C19orf38: variants seen among roughly 807,000 people sequenced by gnomAD.
The protein encoded by C19orf38 is chromosome 19 open reading frame 38, also known as protein HIDE1.
C19orf38 carries 14 observed loss-of-function variants against 26.6 expected under a neutral mutation model. The observed-to-expected ratio is 0.53, with a 90% confidence interval of 0.35 to 0.82. The LOEUF (loss-of-function observed/expected upper bound fraction) is 0.82. Ranked by LOEUF, C19orf38 falls within the 40% of genes least tolerant of loss-of-function variation. The probability of loss-of-function intolerance (pLI) is 0.01; values close to 1 mark genes in which losing one functional copy is unlikely to be tolerated. For missense variants in C19orf38, 261 were observed against 299.5 expected, an observed-to-expected ratio of 0.87 and a Z score of 0.95; for synonymous variants, 132 against 128.5, an observed-to-expected ratio of 1.03 and a Z score of -0.18.
At chr19:10,858,398 C>T in intron 4 of C19orf38, 55 bp downstream of exon 4, 1 of 1,492,128 alleles carries the variant, frequency 6.7e-7, no homozygotes, top group Non-Finnish European at 9.1e-7. Context: ...AAGGACACTT[C>T]CCTGGCAGGG....
intron 3 of C19orf38, among the ~76,000 whole-genome samples, chr19:10,857,366 ATTTTTT>A (rs773726753): frequency 1.8e-5 from 1 of 56,100 alleles, no homozygotes; most frequent in Non-Finnish European, 2.6e-5. Context: ...ATATATATAT[ATTTTTT>A]TTTTTTTTTT....
intron 4 of C19orf38, among the ~76,000 whole-genome samples, chr19:10,859,015 G>A (rs188803208): frequency 2.0e-5 from 3 of 147,928 alleles, no homozygotes; most frequent in Non-Finnish European, 4.4e-5. Flanking sequence ...CTGGCTCACC[G>A]CAACCTCTGC....
intron 2 of C19orf38, among the ~76,000 whole-genome samples, chr19:10,853,028 T>G (rs903288874): frequency 4.0e-5 from 6 of 149,202 alleles, no homozygotes; most frequent in African/African-American, 9.9e-5. Context: ...CTGGGCAACA[T>G]AGTGAGACCC....
intron 6 of C19orf38, among the ~76,000 whole-genome samples, chr19:10,867,284 C>T (rs1309758695): frequency 7.4e-6 from 1 of 134,354 alleles, no homozygotes; most frequent in Non-Finnish European, 1.7e-5. Flanking sequence ...CCTCAAGGTT[C>T]ATTCATGCCA....
intron 3 of C19orf38, among the ~76,000 whole-genome samples, chr19:10,857,737 C>T (rs763115367): frequency 1.0e-4 from 15 of 150,280 alleles, no homozygotes; most frequent in Non-Finnish European, 1.5e-4. Flanking sequence ...AAAAATTAGC[C>T]GGGCGTGGTG....
At chr19:10,863,092 G>T in intron 5 of C19orf38, 78 bp from the exon 6 acceptor site, 1 of 1,431,730 alleles carries the variant, frequency 7.0e-7, no homozygotes, top group Non-Finnish European at 9.6e-7. Flanking sequence ...TGGGCTGGGG[G>T]GCAGTGCGGG....
chr19:10,869,493 C>A lies in C19orf38; in HGVS notation c.*126C>A. 1 of 1,314,202 alleles carries A rather than the reference C, an allele frequency of 7.6e-7. No individual in the cohort carries two copies. The highest frequency in any genetic ancestry group is 1.6e-5 in the South Asian group (1 of 63,560). 81.4% of individuals were successfully genotyped at this position (1,314,202 alleles called of 1,614,324 possible). A position where few individuals can be genotyped will look rare whatever the true frequency, so the allele number is the denominator to read the frequency against. ...TGGACAGAGGAAAGGAAGGGGAACCCTGGCCTTGGGATTTTCATCACAGAG... is the reference window on the plus strand; with the variant it reads ...TGGACAGAGGAAAGGAAGGGGAACCATGGCCTTGGGATTTTCATCACAGAG... On this transcript the variant is annotated 3_prime_UTR_variant, in exon 7 of 7. Transcript: ENST00000397820.
chr19:10,850,659 A>T (rs1439150269), intron 2 of C19orf38, 92 bp downstream of exon 2: 3 of 1,367,902 alleles, frequency 2.2e-6, no homozygotes, highest in Non-Finnish European at 3.0e-6. Flanking sequence ...CCTTCCCAGA[A>T]AAAGCCAGGC....
At chr19:10,856,382 A>C in intron 3 of C19orf38, 25 bp downstream of exon 3, 2 of 1,535,310 alleles carry the variant, frequency 1.3e-6, no homozygotes, top group Non-Finnish European at 1.8e-6. Flanking sequence ...AGCCTGGCAC[A>C]CAAGTTGCCA....
chr19:10,859,147 G>A (rs138600298), intron 4 of C19orf38, among the ~76,000 whole-genome samples: 6,792 of 149,200 alleles, frequency 0.046, 184 homozygotes, highest in Middle Eastern at 0.092. Context: ...ATGTTGGTCC[G>A]GGTGGTCTTG....
rs191252181 is a variant in C19orf38 at position 10,867,904 on chromosome 19, C to T, written c.544-1314C>T. On this transcript the variant is annotated intron_variant, in intron 6 of 6. Coordinates refer to ENST00000397820, the MANE Select transcript of C19orf38 (RefSeq NM_001136482.3). ...CTGACCTCAGGTGATCCGCCCGCCT[C>T]GACCTCCCAAAGTGCTGGGATTACA... Among the ~76,000 whole-genome samples, 168 of 151,960 alleles carry T rather than the reference C, an allele frequency of 1.1e-3. 1 individual carries two copies. The East Asian group carries it at 0.03, about 27-fold the overall frequency.
At chr19:10,860,420 G>GCTA (rs1317904731) in intron 5 of C19orf38, among the ~76,000 whole-genome samples, 1 of 150,066 alleles carries the variant, frequency 6.7e-6, no homozygotes, top group Non-Finnish European at 1.5e-5. Flanking sequence ...TGTAATCCCA[G>GCTA]CTACTTGGGA....
chr19:10,837,842 C>T (rs2073448194), intron 1 of C19orf38, among the ~76,000 whole-genome samples: 1 of 152,068 alleles, frequency 6.6e-6, no homozygotes, highest in African/African-American at 2.4e-5. Flanking sequence ...CTCTGTTGCC[C>T]AGGCTGGGGT....
At chr19:10,846,233 G>A (rs1348164931), upstream of C19orf38, among the ~76,000 whole-genome samples, 1 of 151,108 alleles carries the variant, frequency 6.6e-6, no homozygotes, top group Admixed American at 6.6e-5. Flanking sequence ...GTCTCGCTCT[G>A]TTGCCCAGGC....
chr19:10,837,820 G>A (rs1371086995), intron 1 of C19orf38, among the ~76,000 whole-genome samples: 3 of 151,768 alleles, frequency 2.0e-5, no homozygotes, highest in African/African-American at 7.3e-5. Context: ...TTTTTTTTAG[G>A]ACAGGGTCTT....
At chr19:10,856,590 G>A (rs1000991728) in intron 3 of C19orf38, among the ~76,000 whole-genome samples, 23 of 151,220 alleles carry the variant, frequency 1.5e-4, no homozygotes, top group Non-Finnish European at 2.8e-4. Context: ...TGCAACCTCC[G>A]CCTTCGAGGT....
intron 6 of C19orf38, among the ~76,000 whole-genome samples, chr19:10,865,793 T>C (rs1450446320): frequency 6.6e-6 from 1 of 152,082 alleles, no homozygotes; most frequent in Non-Finnish European, 1.5e-5. Context: ...CAGAAGTGGA[T>C]CTGTACCTTC....
chr19:10,839,148 G>A (rs184043241), intron 1 of C19orf38, among the ~76,000 whole-genome samples: 12 of 152,176 alleles, frequency 7.9e-5, no homozygotes, highest in Non-Finnish European at 1.5e-4. Context: ...CTCATGATCC[G>A]CCCACCTTGG....
upstream of C19orf38, among the ~76,000 whole-genome samples, chr19:10,847,988 C>T (rs901965709): frequency 1.3e-5 from 2 of 151,804 alleles, no homozygotes; most frequent in Non-Finnish European, 2.9e-5. Flanking sequence ...GTCAAGAGAT[C>T]GAGACCATCC....
Sources: gnomAD v4.1 joint callset for allele counts (sites outside exome capture counted in the v4.1 genomes callset) on GRCh38, gnomAD v4.1.1 for gene constraint, MANE v1.5 for transcripts, NCBI Gene and HGNC (gene_info 2026-07-23, HGNC 2026-07-21) for gene names.